The following UBE3D variants were observed in gnomAD, a reference collection of about 807,000 sequenced individuals.
The protein encoded by UBE3D is E3 ubiquitin-protein ligase E3D.
Under a neutral mutation model 49.6 loss-of-function variants are expected in UBE3D, and 48 were observed. The observed-to-expected ratio is 0.97, with a 90% CI of 0.77 to 1.23. UBE3D has a LOEUF of 1.23. UBE3D is among the 50% of genes most tolerant of loss of function. The pLI is 0.00. For missense variants in UBE3D, 452 were observed against 468.4 expected, an observed-to-expected ratio of 0.96 and a Z score of 0.32; for synonymous variants, 189 against 174.2, an observed-to-expected ratio of 1.08 and a Z score of -0.67.
intron 9 of UBE3D, among the ~76,000 whole-genome samples, chr6:82,908,840 G>A (rs546233290): frequency 2.0e-5 from 3 of 152,236 alleles, no homozygotes; most frequent in African/African-American, 7.2e-5. Context: ...AGGCCTCAGG[G>A]AGATATTTAT....
intron 8 of UBE3D, among the ~76,000 whole-genome samples, chr6:82,982,624 G>C (rs1462357117): frequency 6.6e-6 from 1 of 152,176 alleles, no homozygotes; most frequent in Admixed American, 6.5e-5. Context: ...CTAGAAGCTT[G>C]ATCGGGTTTG....
At chr6:82,996,638 C>T (rs990938372) in intron 8 of UBE3D, among the ~76,000 whole-genome samples, 1 of 152,094 alleles carries the variant, frequency 6.6e-6, no homozygotes, top group African/African-American at 2.4e-5. Context: ...GCTAAGTAAT[C>T]AAGACTAACA....
Position 83,058,023 on chromosome 6 carries a change from C to CT in UBE3D, c.78-2dup. 6.2e-7 allele frequency: 1 copy of CT among 1,613,842 alleles called. No homozygotes were observed. Among genetic ancestry groups the CT allele is most frequent in the Non-Finnish European group, 8.5e-7 (1 of 1,179,966 alleles). ...GGGCATACCTCCTTCTTTCGGTTCT[C>CT]TGGTAATTAAAAACAAAACCCAAAC... On this transcript the variant is annotated splice_acceptor_variant, in intron 1 of 9. Coordinates refer to ENST00000369747, the MANE Select transcript of UBE3D (RefSeq NM_198920.3). LOFTEE classifies it high-confidence loss of function.
rs112812570 is a variant in UBE3D at position 83,020,692 on chromosome 6, A to G, written c.847-1556T>C. ...ATTTACTATCAAAATCAGTCAGAAAATATTTTAGGTTTTCATGGAAATTAT... is the reference window on the plus strand; with the variant it reads ...ATTTACTATCAAAATCAGTCAGAAAGTATTTTAGGTTTTCATGGAAATTAT... On this transcript the variant is annotated intron_variant, in intron 7 of 9. Coordinates refer to ENST00000369747, the MANE Select transcript of UBE3D (RefSeq NM_198920.3). 4.6e-3 allele frequency among the ~76,000 whole-genome samples: 700 copies of G among 152,326 alleles called. 8 individuals are homozygous for G. Among genetic ancestry groups the G allele is most frequent in the African/African-American group, 0.016 (662 of 41,570 alleles).
the UBE3D span, among the ~76,000 whole-genome samples, chr6:82,886,118 G>A: frequency 1.5e-4 from 23 of 152,044 alleles, no homozygotes; most frequent in East Asian, 7.7e-4. Flanking sequence ...ACTCATTTCC[G>A]GAACACTTTA....
intron 9 of UBE3D, among the ~76,000 whole-genome samples, chr6:82,900,505 T>C (rs1771653257): frequency 6.6e-6 from 1 of 152,208 alleles, no homozygotes; most frequent in Non-Finnish European, 1.5e-5. Context: ...CAGTGGCAAT[T>C]TTTAAATTCC....
At chr6:82,970,843 C>T (rs1777300460) in intron 8 of UBE3D, among the ~76,000 whole-genome samples, 1 of 151,156 alleles carries the variant, frequency 6.6e-6, no homozygotes, top group Admixed American at 6.6e-5. Context: ...TGTCTCAAAA[C>T]AAAAAACAAA....
At chr6:83,040,450 A>G (rs1782594521) in intron 4 of UBE3D, among the ~76,000 whole-genome samples, 1 of 151,974 alleles carries the variant, frequency 6.6e-6, no homozygotes. Context: ...GAGCAACAGC[A>G]CAATTCATAC....
chr6:82,961,244 CTTAG>C (rs909452181), intron 8 of UBE3D, among the ~76,000 whole-genome samples: 6 of 152,166 alleles, frequency 3.9e-5, no homozygotes, highest in Admixed American at 3.3e-4. Context: ...AGACACATTA[CTTAG>C]TTAATTATGG....
At position 83,059,263 on chromosome 6, in the gene UBE3D, C is replaced by T. The variant is rs181474498; in HGVS notation, c.78-1241G>A. Among the ~76,000 whole-genome samples the T allele has an allele frequency of 1.1e-4, 17 of 152,192 alleles. No individual in the cohort carries two copies. The East Asian group carries it at 3.3e-3, about 29-fold the overall frequency. The stretch of plus-strand genomic sequence containing the variant: ...AATCAGCTGGGTATAGTGGCACGCA[C>T]CTGTAGTCCTAGCCACTCAGGAGGC... On this transcript the variant is annotated intron_variant, in intron 1 of 9. Transcript: ENST00000369747.
At chr6:82,887,389 G>GTTTTTGTTTTTTT in the UBE3D span, among the ~76,000 whole-genome samples, 1 of 98,368 alleles carries the variant, frequency 1.0e-5, no homozygotes, top group African/African-American at 5.1e-5. Flanking sequence ...GACAGTAACA[G>GTTTTTGTTTTTTT]TTTTTTTTTT....
intron 9 of UBE3D, among the ~76,000 whole-genome samples, chr6:82,944,958 C>T (rs1775294648): frequency 6.6e-6 from 1 of 152,194 alleles, no homozygotes; most frequent in Admixed American, 6.5e-5. Context: ...AATAGAATGC[C>T]AAGTAGACTG....
At chr6:82,998,012 A>G (rs1399994598) in intron 8 of UBE3D, among the ~76,000 whole-genome samples, 2 of 152,162 alleles carry the variant, frequency 1.3e-5, no homozygotes, top group African/African-American at 4.8e-5. Flanking sequence ...AGAGAAAATG[A>G]CAAGAGTAAG....
rs1226349091 is a variant in UBE3D, at chr6:83,057,938, T to A, written c.162A>T (p.Glu54Asp). The change falls in exon 2 of 10, where the codon GAA (glutamate) becomes GAT (aspartate). Residue 54 changes from glutamate (E) to aspartate (D), a missense_variant. By Grantham distance (45) the Glu-to-Asp change is conservative. Transcript: ENST00000369747. ...GCCTGACCTCTGCTGGAAGCTGGAT[T>A]TCTGTGCAGCCTTCAGGGGTTTTCA... ...LQMKTPEGCT[E>D]IQLPAEVRLV... The A allele has an allele frequency of 6.2e-7, 1 of 1,614,198 alleles. No homozygotes were observed. The highest frequency in any genetic ancestry group is 1.1e-5 in the South Asian group (1 of 91,086).
chr6:83,008,784 A>G (rs9359554), intron 8 of UBE3D, among the ~76,000 whole-genome samples: 98,748 of 152,028 alleles, frequency 0.65, 32,985 homozygotes, highest in East Asian at 0.78. Flanking sequence ...ACACCCAAAA[A>G]GAAAGACACT....
At chr6:82,987,051 C>T (rs978604304) in intron 8 of UBE3D, among the ~76,000 whole-genome samples, 1 of 151,884 alleles carries the variant, frequency 6.6e-6, no homozygotes. Flanking sequence ...CTCAAGCTAT[C>T]CTCCTCCCTC....
intron 5 of UBE3D, among the ~76,000 whole-genome samples, chr6:83,033,935 A>T (rs1782058903): frequency 2.0e-5 from 3 of 152,166 alleles, no homozygotes; most frequent in African/African-American, 7.2e-5. Context: ...AGTTGGGAAG[A>T]TATAAGGTGA....
Position 83,039,351 on chromosome 6 carries a change from G to T in UBE3D, c.598-866C>A, listed in dbSNP as rs562192905. Among the ~76,000 whole-genome samples the T allele has an allele frequency of 3.9e-5, 6 of 152,270 alleles. No individual in the cohort carries two copies. The South Asian group carries it at 1.2e-3, about 32-fold the overall frequency. On this transcript the variant is annotated intron_variant, in intron 4 of 9. Transcript: ENST00000369747. ...AGTGACTTCTGATGTGGGATAATATGTGTATTTAATCTAAGGAAAAAAATT... is the reference window on the plus strand; with the variant it reads ...AGTGACTTCTGATGTGGGATAATATTTGTATTTAATCTAAGGAAAAAAATT...
At chr6:83,053,513 G>A (rs950261289) in intron 3 of UBE3D, among the ~76,000 whole-genome samples, 2 of 151,992 alleles carry the variant, frequency 1.3e-5, no homozygotes, top group Admixed American at 1.3e-4. Context: ...GCTGACATGA[G>A]GGACAAAAGA....
Sources: gnomAD v4.1 joint callset for allele counts (sites outside exome capture counted in the v4.1 genomes callset) on GRCh38, gnomAD v4.1.1 for gene constraint, MANE v1.5 for transcripts, NCBI Gene and HGNC (gene_info 2026-07-23, HGNC 2026-07-21) for gene names.